NRG4: variants seen among roughly 807,000 people sequenced by gnomAD.
NRG4 encodes the protein neuregulin 4, also known as pro-neuregulin-4, membrane-bound isoform.
In NRG4, 10 loss-of-function variants were observed where a neutral mutation model predicts 15.0. The observed-to-expected ratio is 0.67, with a 90% CI of 0.41 to 1.13. The LOEUF (loss-of-function observed/expected upper bound fraction) is 1.13, where lower values mean the gene tolerates loss of function less well. NRG4 is among the 50% of genes most tolerant of loss of function. NRG4 has a pLI of 0.00. For synonymous variants in NRG4, 41 were observed against 50.1 expected, an observed-to-expected ratio of 0.82 and a Z score of 0.77; for missense variants, 139 against 140.2, an observed-to-expected ratio of 0.99 and a Z score of 0.04.
At chr15:76,006,192 T>C (rs1421183823) in intron 3 of NRG4, among the ~76,000 whole-genome samples, 1 of 152,118 alleles carries the variant, frequency 6.6e-6, no homozygotes, top group Non-Finnish European at 1.5e-5. Flanking sequence ...AAGGTAGAAA[T>C]ATGATTTGAC....
intron 3 of NRG4, among the ~76,000 whole-genome samples, chr15:75,964,986 G>A (rs1567079835): frequency 6.6e-6 from 1 of 152,134 alleles, no homozygotes; most frequent in Admixed American, 6.5e-5. Flanking sequence ...AGCAGTTTGG[G>A]AGGCCGAGGC....
upstream of NRG4, among the ~76,000 whole-genome samples, chr15:76,013,566 A>C (rs1208891918): frequency 6.6e-6 from 1 of 151,548 alleles, no homozygotes; most frequent in Non-Finnish European, 1.5e-5. Context: ...CTCATTGTTC[A>C]ATTTCCACCT....
upstream of NRG4, among the ~76,000 whole-genome samples, chr15:76,014,577 C>A (rs1287850758): frequency 1.3e-5 from 2 of 152,118 alleles, no homozygotes; most frequent in Non-Finnish European, 2.9e-5. Context: ...TCCAATTTTC[C>A]CAACACCATT....
upstream of NRG4, chr15:76,059,913 G>C (rs1385423899): frequency 6.8e-6 from 1 of 146,788 alleles, no homozygotes; most frequent in Non-Finnish European, 1.5e-5. Flanking sequence ...CGGAGGGAGC[G>C]GCGGGGCCGC....
At chr15:75,949,110 C>A (rs1246878082) in intron 5 of NRG4, among the ~76,000 whole-genome samples, 1 of 152,174 alleles carries the variant, frequency 6.6e-6, no homozygotes. Flanking sequence ...TGTGCAATCA[C>A]CACCACAATC....
At chr15:76,019,371 T>C (rs903503344) in intron 5 of NRG4, among the ~76,000 whole-genome samples, 22 of 151,918 alleles carry the variant, frequency 1.4e-4, no homozygotes, top group African/African-American at 3.9e-4. Context: ...CCAGGCACCA[T>C]TGGGGTATGA....
At chr15:75,993,290 G>GTT (rs777701556) in intron 3 of NRG4, among the ~76,000 whole-genome samples, 1 of 110,332 alleles carries the variant, frequency 9.1e-6, no homozygotes, top group African/African-American at 3.3e-5. Flanking sequence ...TTTAAATATT[G>GTT]TTTTTTTTTT....
intron 4 of NRG4, among the ~76,000 whole-genome samples, chr15:76,048,471 C>CAAAA (rs35429006): frequency 4.1e-5 from 3 of 73,998 alleles, no homozygotes; most frequent in African/African-American, 9.8e-5. Context: ...GACTCTGACT[C>CAAAA]AAAAAAAAAA....
intron 3 of NRG4, among the ~76,000 whole-genome samples, chr15:76,001,869 T>G (rs750076864): frequency 2.0e-5 from 3 of 152,164 alleles, no homozygotes; most frequent in Non-Finnish European, 2.9e-5. Flanking sequence ...AACAAACACA[T>G]AACAAGTATC....
chr15:75,988,781 C>G (rs1306711137), intron 3 of NRG4, among the ~76,000 whole-genome samples: 1 of 151,030 alleles, frequency 6.6e-6, no homozygotes, highest in African/African-American at 2.4e-5. Flanking sequence ...CACAAACACC[C>G]TGAGGAATAA....
At chr15:75,963,777 C>CAAAA (rs71140188) in intron 3 of NRG4, among the ~76,000 whole-genome samples, 1 of 102,988 alleles carries the variant, frequency 9.7e-6, no homozygotes, top group Non-Finnish European at 1.9e-5. Context: ...GACTCCATCT[C>CAAAA]AAAAAAAAAA....
chr15:75,939,857 A>G (rs958208637), downstream of NRG4: 1 of 152,120 alleles, frequency 6.6e-6, no homozygotes, highest in African/African-American at 2.4e-5. Context: ...CACTCAACAA[A>G]TGAGGGATAA....
intron 3 of NRG4, among the ~76,000 whole-genome samples, chr15:76,004,343 G>C (rs334939): frequency 0.049 from 7,417 of 152,232 alleles, 350 homozygotes; most frequent in African/African-American, 0.13. Flanking sequence ...ACTCACACCT[G>C]TAATCCCAGC....
At chr15:75,971,778 A>C (rs1280754451) in intron 3 of NRG4, among the ~76,000 whole-genome samples, 1 of 152,192 alleles carries the variant, frequency 6.6e-6, no homozygotes, top group Non-Finnish European at 1.5e-5. Flanking sequence ...ATTTAAAAAA[A>C]ATCTAAGTTC....
intron 3 of NRG4, among the ~76,000 whole-genome samples, chr15:75,983,310 C>T (rs2033671405): frequency 6.6e-6 from 1 of 152,042 alleles, no homozygotes; most frequent in Non-Finnish European, 1.5e-5. Flanking sequence ...GATCTGAAAA[C>T]TAATAAAAAC....
intron 3 of NRG4, among the ~76,000 whole-genome samples, chr15:75,988,296 C>T (rs2033874586): frequency 6.6e-6 from 1 of 152,216 alleles, no homozygotes; most frequent in Non-Finnish European, 1.5e-5. Flanking sequence ...AGTGATTCTC[C>T]TGCCTCAGCC....
At chr15:76,004,706 T>C (rs1193428316) in intron 3 of NRG4, among the ~76,000 whole-genome samples, 1 of 149,460 alleles carries the variant, frequency 6.7e-6, no homozygotes, top group Non-Finnish European at 1.5e-5. Flanking sequence ...AGAAAATAAA[T>C]AGCAAAATTA....
chr15:75,991,354 A>T (rs1452093698), intron 3 of NRG4, among the ~76,000 whole-genome samples: 1 of 152,192 alleles, frequency 6.6e-6, no homozygotes, highest in East Asian at 1.9e-4. Context: ...AATATTTTTT[A>T]AAAATACTTA....
At chr15:75,969,063 C>T in intron 3 of NRG4, 1 of 374,702 alleles carries the variant, frequency 2.7e-6, no homozygotes, top group Non-Finnish European at 5.4e-6. Flanking sequence ...GACTTACACT[C>T]TTAAATCACC....
Sources: gnomAD v4.1 joint callset for allele counts (sites outside exome capture counted in the v4.1 genomes callset) on GRCh38, gnomAD v4.1.1 for gene constraint, MANE v1.5 for transcripts, NCBI Gene and HGNC (gene_info 2026-07-23, HGNC 2026-07-21) for gene names.